Variants in SLC8A1 observed in about 807,000 individuals in gnomAD.
SLC8A1 encodes the protein sodium/calcium exchanger 1.
Under a neutral mutation model 68.3 loss-of-function variants are expected in SLC8A1, and 18 were observed. The ratio of observed to expected loss-of-function variants is 0.26; its 90% CI spans 0.18 to 0.39. The LOEUF (loss-of-function observed/expected upper bound fraction) is 0.39. Among genes scored for constraint, SLC8A1 ranks in the 10% least tolerant of loss-of-function variants. The probability of loss-of-function intolerance (pLI) is 1.00; values close to 1 mark genes in which losing one functional copy is unlikely to be tolerated. For synonymous variants in SLC8A1, 475 were observed against 415.5 expected (o/e 1.14, Z -1.74); for missense variants, 985 against 1,156.7 (o/e 0.85, Z 2.15).
intron 7 of SLC8A1, among the ~76,000 whole-genome samples, chr2:40,137,359 G>A (rs979616641): frequency 2.0e-5 from 3 of 152,132 alleles, no homozygotes; most frequent in Non-Finnish European, 4.4e-5. Context: ...GATGTATTTG[G>A]TTGGATAAAC....
exon 2 of SLC8A1, chr2:40,430,223 A>G (rs757754747): frequency 5.6e-6 from 9 of 1,613,658 alleles, no homozygotes; most frequent in Non-Finnish European, 7.6e-6. Context: ...ACAGTAACTA[A>G]CAGATGAAAT....
chr2:40,266,081 C>T (rs909488424), intron 2 of SLC8A1, among the ~76,000 whole-genome samples: 4 of 152,134 alleles, frequency 2.6e-5, no homozygotes, highest in Non-Finnish European at 5.9e-5. Flanking sequence ...GGTTTTTGTT[C>T]CCCCAGAAGA....
intron 1 of SLC8A1, among the ~76,000 whole-genome samples, chr2:40,493,580 C>T (rs906234185): frequency 6.6e-6 from 1 of 150,602 alleles, no homozygotes; most frequent in African/African-American, 2.4e-5. Context: ...GATCACAAAA[C>T]TTGGGAGTTG....
At chr2:40,104,868 T>A (rs190245334) in exon 8 of SLC8A1, 1 of 151,112 alleles carries the variant, frequency 6.6e-6, no homozygotes, top group African/African-American at 2.4e-5. Context: ...AATTTTTTGC[T>A]TTTTTTTTGG....
At chr2:40,287,619 T>TGTGTGC (rs1218621116) in intron 2 of SLC8A1, among the ~76,000 whole-genome samples, 2 of 148,392 alleles carry the variant, frequency 1.3e-5, no homozygotes, top group Non-Finnish European at 3.0e-5. Context: ...TGTGTGTGTG[T>TGTGTGC]GCATGCAGGG....
At chr2:40,316,913 T>A (rs1321427287) in intron 2 of SLC8A1, among the ~76,000 whole-genome samples, 4 of 151,996 alleles carry the variant, frequency 2.6e-5, no homozygotes. Context: ...CTCCCTGTCT[T>A]ACCATGCTTT....
intron 1 of SLC8A1, among the ~76,000 whole-genome samples, chr2:40,462,142 G>C (rs1366522717): frequency 2.0e-5 from 3 of 150,558 alleles, no homozygotes; most frequent in Non-Finnish European, 4.4e-5. Context: ...AAAAAGCTGG[G>C]ATTACAGGCA....
At chr2:40,118,070 G>T (rs2035879779) in intron 7 of SLC8A1, among the ~76,000 whole-genome samples, 1 of 152,194 alleles carries the variant, frequency 6.6e-6, no homozygotes, top group South Asian at 2.1e-4. Flanking sequence ...CTTATTCCAT[G>T]CTAGGCACTA....
chr2:40,482,954 CT>C (rs76752710), intron 1 of SLC8A1, among the ~76,000 whole-genome samples: 7,126 of 137,772 alleles, frequency 0.052, 145 homozygotes, highest in Non-Finnish European at 0.064. Context: ...CCACGCCCGG[CT>C]TTTTTTTTTT....
At chr2:40,352,902 A>G (rs1358213351) in intron 2 of SLC8A1, among the ~76,000 whole-genome samples, 5 of 151,884 alleles carry the variant, frequency 3.3e-5, no homozygotes, top group Non-Finnish European at 5.9e-5. Context: ...GAGCTTTCCA[A>G]CTCTTTGTGG....
chr2:40,237,858 C>G (rs1463444498), intron 2 of SLC8A1, among the ~76,000 whole-genome samples: 2 of 152,026 alleles, frequency 1.3e-5, no homozygotes, highest in Admixed American at 6.5e-5. Flanking sequence ...GTTGGAATAC[C>G]CTGCCATGGG....
chr2:40,126,990 T>A (rs2038251128), intron 7 of SLC8A1, among the ~76,000 whole-genome samples: 1 of 152,224 alleles, frequency 6.6e-6, no homozygotes, highest in Non-Finnish European at 1.5e-5. Context: ...CTGGGTCATA[T>A]TGCTTCCTTT....
intron 7 of SLC8A1, chr2:40,118,463 T>G (rs900354662): frequency 4.6e-5 from 7 of 152,172 alleles, no homozygotes; most frequent in African/African-American, 1.7e-4. Flanking sequence ...TGTGCATTCA[T>G]GATCACACAT....
At chr2:40,428,697 A>T in exon 2 of SLC8A1, 1 of 1,613,840 alleles carries the variant, frequency 6.2e-7, no homozygotes, top group South Asian at 1.1e-5. Flanking sequence ...AAATAGTTAC[A>T]GTGGCAGTGG....
intron 7 of SLC8A1, chr2:40,118,246 G>C (rs143477408): frequency 6.4e-4 from 98 of 152,332 alleles, no homozygotes; most frequent in African/African-American, 2.2e-3. Context: ...TCTGATTTCA[G>C]AGCCCAGTCT....
At chr2:40,265,779 A>G (rs551744574) in intron 2 of SLC8A1, among the ~76,000 whole-genome samples, 1 of 152,280 alleles carries the variant, frequency 6.6e-6, no homozygotes, top group Admixed American at 6.5e-5. Context: ...CTCCCTTCAT[A>G]TATTACTGGA....
At chr2:40,098,657 G>C (rs754337741) in exon 8 of SLC8A1, 26 of 151,934 alleles carry the variant, frequency 1.7e-4, no homozygotes, top group Non-Finnish European at 3.4e-4. Context: ...AGGAAAGATT[G>C]ATAAATTTAT....
intron 7 of SLC8A1, among the ~76,000 whole-genome samples, chr2:40,135,175 C>T (rs774348451): frequency 6.6e-6 from 1 of 152,194 alleles, no homozygotes; most frequent in Non-Finnish European, 1.5e-5. Flanking sequence ...GGGGCCAAAT[C>T]ACATTGGTCT....
chr2:40,204,321 G>A (rs1192090606), intron 2 of SLC8A1, among the ~76,000 whole-genome samples: 1 of 152,004 alleles, frequency 6.6e-6, no homozygotes, highest in East Asian at 1.9e-4. Context: ...AGCCCCTTAA[G>A]AGCATTTTAA....
Sources: gnomAD v4.1 joint callset for allele counts (sites outside exome capture counted in the v4.1 genomes callset) on GRCh38, gnomAD v4.1.1 for gene constraint, MANE v1.5 for transcripts, NCBI Gene and HGNC (gene_info 2026-07-23, HGNC 2026-07-21) for gene names.